Variants in STXBP3 observed in about 807,000 individuals in gnomAD.
The protein encoded by STXBP3 is syntaxin-binding protein 3.
A neutral mutation model predicts 85.7 loss-of-function variants in STXBP3; 41 were observed. The observed-to-expected ratio is 0.48, with a 90% CI of 0.37 to 0.62. STXBP3 has a LOEUF of 0.62. STXBP3 is among the 20% of genes least tolerant of loss of function. STXBP3 has a pLI of 0.00. For missense variants in STXBP3, 563 were observed against 703.1 expected, an observed-to-expected ratio of 0.80 and a Z score of 2.25; for synonymous variants, 229 against 231.7, an observed-to-expected ratio of 0.99 and a Z score of 0.10.
chr1:108,772,826 C>T lies in STXBP3; in HGVS notation c.593+7C>T. ...CCGGAGTAAGATATAAAAGGTAAGACACTGAGCATCTGCACATGTTATGCT... is the reference window on the plus strand; with the variant it reads ...CCGGAGTAAGATATAAAAGGTAAGATACTGAGCATCTGCACATGTTATGCT... On this transcript the variant is annotated splice_region_variant and intron_variant, in intron 7 of 18. Transcript: ENST00000370008. 6 of 1,576,560 alleles carry T rather than the reference C, an allele frequency of 3.8e-6. No individual in the cohort carries two copies. The highest frequency in any genetic ancestry group is 5.2e-6 in the Non-Finnish European group (6 of 1,158,526).
chr1:108,782,678 C>T lies in STXBP3; in HGVS notation c.935C>T (p.Ser312Leu). ...EEIPKLMKEI[S>L]STKKATEGKT... is the part of the protein sequence containing the mutation. ...ATTCCCAAGCTTATGAAAGAAATTT[C>T]ATCAACAAAGAAAGCAACAGAAGGA... Residue 312 changes from serine (S) to leucine (L), a missense_variant, in exon 11 of 19, where the codon TCA becomes TTA. This residue lies in a region of STXBP3 where 494 missense variants were observed against 592.8 expected (regional missense o/e 0.83). Transcript: ENST00000370008. The T allele has an allele frequency of 1.2e-6, 2 of 1,608,692 alleles. No individual in the cohort carries two copies. The highest frequency in any genetic ancestry group is 1.7e-6 in the Non-Finnish European group (2 of 1,178,500).
chr1:108,754,854 T>G (rs1661984051), intron 3 of STXBP3, among the ~76,000 whole-genome samples: 2 of 152,218 alleles, frequency 1.3e-5, no homozygotes, highest in South Asian at 4.1e-4. Context: ...TAGAGCTCGC[T>G]GCTGTGGGAT....
chr1:108,766,571 G>C (rs375212469), intron 6 of STXBP3, among the ~76,000 whole-genome samples: 6 of 152,120 alleles, frequency 3.9e-5, no homozygotes, highest in African/African-American at 1.4e-4. Context: ...TCACAGACTA[G>C]CAAAGAATAT....
In STXBP3 at chr1:108,782,688, G is replaced by A. The variant is rs1378214956; in HGVS notation, c.945G>A (p.Lys315=). Residue 315 remains lysine (K), a synonymous_variant, in exon 11 of 19, where the codon AAG becomes AAA. Transcript: ENST00000370008. Reference sequence around the variant, plus strand: ...TTATGAAAGAAATTTCATCAACAAAGAAAGCAACAGAAGGAAAGGTAAGAG... The same window carrying A: ...TTATGAAAGAAATTTCATCAACAAAAAAAGCAACAGAAGGAAAGGTAAGAG... ...PKLMKEISST[K]KATEGKTSLS... The A allele has an allele frequency of 6.2e-7, 1 of 1,607,804 alleles. No individual in the cohort carries two copies. The highest frequency in any genetic ancestry group is 8.5e-7 in the Non-Finnish European group (1 of 1,178,174).
intron 6 of STXBP3, among the ~76,000 whole-genome samples, chr1:108,763,618 C>T (rs1221833128): frequency 1.3e-5 from 2 of 152,166 alleles, no homozygotes; most frequent in Non-Finnish European, 2.9e-5. Context: ...TCTTGTTACC[C>T]AGGCTGGGGT....
At chr1:108,754,129 T>C (rs941717782) in intron 3 of STXBP3, among the ~76,000 whole-genome samples, 3 of 149,392 alleles carry the variant, frequency 2.0e-5, no homozygotes, top group Non-Finnish European at 3.0e-5. Flanking sequence ...TCCTCCTGGG[T>C]TCAAACAATC....
chr1:108,803,311 T>A (rs1663269541), intron 17 of STXBP3, among the ~76,000 whole-genome samples: 1 of 152,196 alleles, frequency 6.6e-6, no homozygotes, highest in South Asian at 2.1e-4. Flanking sequence ...ACTTCATTTG[T>A]GTTCACTTTG....
intron 6 of STXBP3, among the ~76,000 whole-genome samples, chr1:108,770,616 G>A (rs952215053): frequency 6.6e-6 from 1 of 152,118 alleles, no homozygotes; most frequent in East Asian, 1.9e-4. Flanking sequence ...AAGGAAATGC[G>A]AGAAGTTTGT....
Position 108,807,440 on chromosome 1 carries a change from A to G in STXBP3, c.1575A>G (p.Arg525=). 1 of 1,612,386 alleles carries G rather than the reference A, an allele frequency of 6.2e-7. No individual in the cohort carries two copies. Among genetic ancestry groups the G allele is most frequent in the Non-Finnish European group, 8.5e-7 (1 of 1,179,568 alleles). The change falls in exon 18 of 19, where the codon CGA becomes CGG. Residue 525 remains arginine, a synonymous_variant. Transcript: ENST00000370008. ...QKPRANYLED[R]KNGSKLIVFV... The stretch of plus-strand genomic sequence containing the variant: ...CCAGAGCTAATTATTTAGAAGACCG[A>G]AAAAATGGGTCAAAGCTGATTGTTT...
intron 18 of STXBP3, among the ~76,000 whole-genome samples, chr1:108,808,237 G>A (rs762450666): frequency 4.3e-4 from 65 of 152,300 alleles, no homozygotes; most frequent in Non-Finnish European, 8.5e-4. Flanking sequence ...TTCAGGCCAG[G>A]CTAGTGGCTC....
At chr1:108,753,583 A>T (rs924435103) in intron 3 of STXBP3, among the ~76,000 whole-genome samples, 15 of 152,170 alleles carry the variant, frequency 9.9e-5, no homozygotes, top group African/African-American at 2.4e-4. Context: ...CTTTATTACC[A>T]GAAATGAGAC....
chr1:108,796,410 A>G (rs372408605), intron 14 of STXBP3, 38 bp downstream of exon 14: 5 of 1,369,482 alleles, frequency 3.7e-6, no homozygotes, highest in Non-Finnish European at 3.0e-6. Flanking sequence ...GTATTTTACT[A>G]TTGATCATAA....
intron 15 of STXBP3, among the ~76,000 whole-genome samples, chr1:108,797,725 G>A (rs965315969): frequency 2.7e-5 from 4 of 150,934 alleles, no homozygotes; most frequent in African/African-American, 9.7e-5. Context: ...GTTTTTTTGT[G>A]TGTATGTGTG....
At chr1:108,784,374 T>C (rs1690730) in intron 11 of STXBP3, among the ~76,000 whole-genome samples, 107,046 of 152,120 alleles carry the variant, frequency 0.7, 38,657 homozygotes, top group Non-Finnish European at 0.77. Flanking sequence ...GAAGCCACCA[T>C]GTCACAGGGA....
chr1:108,752,379 A>G (rs1661922742), intron 2 of STXBP3, 73 bp downstream of exon 2: 7 of 1,389,372 alleles, frequency 5.0e-6, no homozygotes, highest in Non-Finnish European at 6.0e-6. Flanking sequence ...AAAACTACAT[A>G]GTATTTACAT....
chr1:108,765,662 C>G (rs1157108890), intron 6 of STXBP3, among the ~76,000 whole-genome samples: 1 of 148,638 alleles, frequency 6.7e-6, no homozygotes, highest in Non-Finnish European at 1.5e-5. Context: ...GCAACCTCCA[C>G]CAGGTTCAAG....
chr1:108,774,426 C>G (rs114766551), intron 7 of STXBP3, among the ~76,000 whole-genome samples: 1 of 152,054 alleles, frequency 6.6e-6, no homozygotes, highest in African/African-American at 2.4e-5. Context: ...TGGCATTTGT[C>G]AAGTTAGCTG....
intron 11 of STXBP3, among the ~76,000 whole-genome samples, chr1:108,792,733 G>A (rs574991573): frequency 1.2e-4 from 18 of 152,300 alleles, no homozygotes; most frequent in Non-Finnish European, 1.8e-4. Context: ...AGATGATGCT[G>A]TCTCTACACA....
At chr1:108,785,780 C>G (rs984929461) in intron 11 of STXBP3, among the ~76,000 whole-genome samples, 1 of 152,192 alleles carries the variant, frequency 6.6e-6, no homozygotes, top group Non-Finnish European at 1.5e-5. Flanking sequence ...CAAAGTTCCC[C>G]AGATCTCTAG....
Sources: allele counts gnomAD v4.1 joint callset (sites outside exome capture counted in the v4.1 genomes callset), GRCh38; gene constraint gnomAD v4.1.1; regional missense constraint gnomAD v4.1.1; transcripts MANE v1.5; gene names NCBI Gene and HGNC (gene_info 2026-07-23, HGNC 2026-07-21).